The following CAB39L variants were observed in gnomAD, a reference collection of about 807,000 sequenced individuals.
CAB39L encodes calcium binding protein 39 like.
Under a neutral mutation model 39.1 loss-of-function variants are expected in CAB39L, and 23 were observed. The observed-to-expected ratio is 0.59, with a 90% CI of 0.42 to 0.83. CAB39L has a LOEUF of 0.83. Among genes scored for constraint, CAB39L ranks in the 40% least tolerant of loss-of-function variants. The pLI, the probability that CAB39L is intolerant of heterozygous loss-of-function variation, is 0.00. For missense variants in CAB39L, 366 were observed against 391.9 expected, an observed-to-expected ratio of 0.93 and a Z score of 0.56; for synonymous variants, 126 against 137.2, an observed-to-expected ratio of 0.92 and a Z score of 0.57.
At chr13:49,438,450 G>A (rs899675700) in intron 1 of CAB39L, among the ~76,000 whole-genome samples, 1 of 152,114 alleles carries the variant, frequency 6.6e-6, no homozygotes, top group Admixed American at 6.6e-5. Context: ...TTTCTTGGTT[G>A]TCTGAAATTT....
At chr13:49,384,353 A>G (rs1956311578) in intron 3 of CAB39L, among the ~76,000 whole-genome samples, 1 of 152,130 alleles carries the variant, frequency 6.6e-6, no homozygotes, top group Admixed American at 6.5e-5. Flanking sequence ...TATTTCCACC[A>G]TATTGGCAGT....
chr13:49,424,044 T>C (rs1032734355), intron 3 of CAB39L, among the ~76,000 whole-genome samples: 3 of 152,118 alleles, frequency 2.0e-5, no homozygotes, highest in East Asian at 1.9e-4. Flanking sequence ...GAATAATAAA[T>C]AAACGGGAGA....
intron 3 of CAB39L, among the ~76,000 whole-genome samples, chr13:49,429,878 G>C (rs1481936143): frequency 6.6e-6 from 1 of 152,004 alleles, no homozygotes; most frequent in African/African-American, 2.4e-5. Flanking sequence ...CTATAGTCTT[G>C]AGATTTTTCT....
chr13:49,373,674 C>G (rs2138553717), intron 5 of CAB39L, among the ~76,000 whole-genome samples: 1 of 152,328 alleles, frequency 6.6e-6, no homozygotes, highest in Middle Eastern at 3.4e-3. Flanking sequence ...GCTTTGATAT[C>G]TCATTCTCAT....
intron 5 of CAB39L, among the ~76,000 whole-genome samples, chr13:49,368,496 C>A (rs1177760177): frequency 6.6e-6 from 1 of 152,078 alleles, no homozygotes; most frequent in Non-Finnish European, 1.5e-5. Flanking sequence ...TTTTTTGCAA[C>A]CCGCAGGCTG....
intron 4 of CAB39L, among the ~76,000 whole-genome samples, chr13:49,381,667 C>A (rs1306068776): frequency 6.6e-6 from 1 of 152,188 alleles, no homozygotes; most frequent in Non-Finnish European, 1.5e-5. Context: ...AGAAATGCAT[C>A]TATACTGTTG....
intron 9 of CAB39L, among the ~76,000 whole-genome samples, chr13:49,339,258 G>C (rs1011319734): frequency 6.6e-6 from 1 of 151,120 alleles, no homozygotes; most frequent in Non-Finnish European, 1.5e-5. Context: ...AGCCTCCCGA[G>C]TAGCTGAGAT....
chr13:49,369,024 G>A (rs1215947034), intron 5 of CAB39L, among the ~76,000 whole-genome samples: 1 of 151,996 alleles, frequency 6.6e-6, no homozygotes, highest in Non-Finnish European at 1.5e-5. Context: ...CAAAAGATAT[G>A]AATAAATACT....
At chr13:49,358,032 C>G (rs1192840287) in intron 6 of CAB39L, among the ~76,000 whole-genome samples, 3 of 152,222 alleles carry the variant, frequency 2.0e-5, no homozygotes, top group African/African-American at 7.2e-5. Context: ...ATAGCACATG[C>G]TGAAGATGAC....
At chr13:49,378,558 C>T (rs1387034077) in intron 4 of CAB39L, among the ~76,000 whole-genome samples, 1 of 72,482 alleles carries the variant, frequency 1.4e-5, no homozygotes, top group African/African-American at 8.1e-5. Flanking sequence ...CCCCCCCACC[C>T]GGCCAGCCGC....
chr13:49,338,243 A>T (rs560929894), intron 9 of CAB39L, among the ~76,000 whole-genome samples: 2 of 152,074 alleles, frequency 1.3e-5, no homozygotes, highest in South Asian at 4.2e-4. Context: ...AAAGACTTGG[A>T]ACCAACCCAA....
At position 49,310,781 on chromosome 13, in the gene CAB39L, G is replaced by A. The variant is rs750387198; in HGVS notation, c.*33C>T. 1.4e-5 allele frequency: 23 copies of A among 1,605,398 alleles called. No homozygotes were observed. In the South Asian group the frequency reaches 2.4e-4, roughly 17 times the overall value. ...CACACTGTACAAACTGGACAAATGAGACGACTGACTGTGACAGGGGCCGGG... is the reference window on the plus strand; with the variant it reads ...CACACTGTACAAACTGGACAAATGAAACGACTGACTGTGACAGGGGCCGGG... On this transcript the variant is annotated 3_prime_UTR_variant, in exon 11 of 11. Coordinates refer to ENST00000409308, the MANE Select transcript of CAB39L (RefSeq NM_001079670.3).
At chr13:49,323,626 T>C (rs1018095734) in intron 10 of CAB39L, among the ~76,000 whole-genome samples, 1 of 152,238 alleles carries the variant, frequency 6.6e-6, no homozygotes, top group Non-Finnish European at 1.5e-5. Context: ...TCTCGCTTTC[T>C]GAATGGAATA....
At chr13:49,392,002 T>G (rs1956498316) in intron 3 of CAB39L, among the ~76,000 whole-genome samples, 1 of 151,326 alleles carries the variant, frequency 6.6e-6, no homozygotes, top group South Asian at 2.1e-4. Flanking sequence ...AGAGCCATAA[T>G]AGAAACAAAA....
intron 1 of CAB39L, among the ~76,000 whole-genome samples, chr13:49,440,641 A>G (rs1156387381): frequency 6.6e-6 from 1 of 151,016 alleles, no homozygotes; most frequent in Non-Finnish European, 1.5e-5. Context: ...TTGTGTCATC[A>G]ATGATTTCTT....
intron 5 of CAB39L, among the ~76,000 whole-genome samples, chr13:49,373,176 T>C (rs1707796114): frequency 6.6e-6 from 1 of 152,150 alleles, no homozygotes; most frequent in African/African-American, 2.4e-5. Context: ...CCTCCAAACC[T>C]TTCTCCTTTC....
intron 10 of CAB39L, among the ~76,000 whole-genome samples, chr13:49,321,485 C>T (rs553632208): frequency 3.9e-5 from 6 of 152,254 alleles, no homozygotes; most frequent in Admixed American, 1.3e-4. Flanking sequence ...CAATTTTTCC[C>T]CAATCTCCAG....
At chr13:49,395,306 G>A (rs547425956) in intron 3 of CAB39L, among the ~76,000 whole-genome samples, 2 of 151,134 alleles carry the variant, frequency 1.3e-5, no homozygotes, top group East Asian at 3.9e-4. Flanking sequence ...CATGATCTCG[G>A]CTCACTGCAA....
At chr13:49,382,601 A>G in intron 4 of CAB39L, 199 bp downstream of exon 4, 1 of 486,460 alleles carries the variant, frequency 2.1e-6, no homozygotes. Context: ...CAGAGTCTCT[A>G]GAGAGTGAAC....
Sources: gnomAD v4.1 joint callset for allele counts (sites outside exome capture counted in the v4.1 genomes callset) on GRCh38, gnomAD v4.1.1 for gene constraint, MANE v1.5 for transcripts, NCBI Gene and HGNC (gene_info 2026-07-23, HGNC 2026-07-21) for gene names.